Variants in CEP112 observed in about 807,000 individuals in gnomAD.
The protein encoded by CEP112 is centrosomal protein 112.
A neutral mutation model predicts 153.0 loss-of-function variants in CEP112; 127 were observed. The observed-to-expected ratio is 0.83, with a 90% CI of 0.72 to 0.96. The LOEUF (loss-of-function observed/expected upper bound fraction) is 0.96. Among genes scored for constraint, CEP112 ranks in the 40% least tolerant of loss-of-function variants. The probability of loss-of-function intolerance (pLI) is 0.00; values close to 1 mark genes in which losing one functional copy is unlikely to be tolerated. For synonymous variants in CEP112, 358 were observed against 374.4 expected, an observed-to-expected ratio of 0.96 and a Z score of 0.51; for missense variants, 1,089 against 1,101.2, an observed-to-expected ratio of 0.99 and a Z score of 0.16.
intron 16 of CEP112, among the ~76,000 whole-genome samples, chr17:66,022,837 A>G (rs953268989): frequency 4.6e-5 from 7 of 152,024 alleles, no homozygotes; most frequent in African/African-American, 1.7e-4. Flanking sequence ...CAGGATATAA[A>G]TTTTAAAAAC....
chr17:65,687,277 C>T (rs1268399095), intron 24 of CEP112, among the ~76,000 whole-genome samples: 2 of 149,726 alleles, frequency 1.3e-5, no homozygotes, highest in African/African-American at 5.0e-5. Context: ...AGCAATTCTC[C>T]TGCCTCAGCC....
intron 4 of CEP112, among the ~76,000 whole-genome samples, chr17:66,148,480 A>G (rs2071020189): frequency 6.6e-6 from 1 of 152,200 alleles, no homozygotes; most frequent in Non-Finnish European, 1.5e-5. Context: ...TAAGTCTTCC[A>G]ATCCATGAAT....
intron 25 of CEP112, 23 bp from the exon 26 acceptor site, chr17:65,637,211 G>A (rs893933273): frequency 1.9e-6 from 3 of 1,571,726 alleles, no homozygotes; most frequent in African/African-American, 1.3e-5. Flanking sequence ...CCTTGTGTGA[G>A]AAGAGGTGGA....
At chr17:66,149,937 G>A (rs1272479409) in intron 4 of CEP112, among the ~76,000 whole-genome samples, 2 of 113,774 alleles carry the variant, frequency 1.8e-5, no homozygotes, top group African/African-American at 6.7e-5. Context: ...TGTCTCCTAG[G>A]CTGGAGTACA....
chr17:65,912,747 T>C (rs2060335671), intron 19 of CEP112, among the ~76,000 whole-genome samples: 1 of 152,192 alleles, frequency 6.6e-6, no homozygotes. Context: ...AAAATTATAT[T>C]GATCATCAAA....
chr17:66,142,963 C>G (rs2070772711), intron 4 of CEP112, among the ~76,000 whole-genome samples: 1 of 152,114 alleles, frequency 6.6e-6, no homozygotes, highest in African/African-American at 2.4e-5. Flanking sequence ...ATTAATTCTT[C>G]CAATCCATGA....
In CEP112 at chr17:65,751,080, AG is replaced by A. The variant is rs1308398959; in HGVS notation, c.2395-357del. The A allele has an allele frequency of 1.1e-4, 22 of 199,126 alleles. No homozygotes were observed. In the East Asian group the frequency reaches 2.5e-3, roughly 23 times the overall value. The allele number at this position is 199,126 out of a possible 1,614,324, so 12.3% of individuals were successfully genotyped here. On this transcript the variant is annotated intron_variant, in intron 21 of 26. Coordinates refer to ENST00000535342, the MANE Select transcript of CEP112 (RefSeq NM_001199165.4). ...GCAAGGAAAAGGGAGAGGGAAGTGA[AG>A]GAAGAAGAAAGGAAGGTAAATTTAA...
chr17:65,903,529 T>C (rs2143606715), intron 19 of CEP112, among the ~76,000 whole-genome samples: 1 of 152,236 alleles, frequency 6.6e-6, no homozygotes, highest in Non-Finnish European at 1.5e-5. Flanking sequence ...GTTTTCTTAT[T>C]GTGATTAAAG....
At chr17:65,860,090 G>A (rs989363738) in intron 20 of CEP112, among the ~76,000 whole-genome samples, 2 of 150,598 alleles carry the variant, frequency 1.3e-5, no homozygotes, top group Non-Finnish European at 3.0e-5. Context: ...GAAAATGAAT[G>A]TACAAATTAT....
intron 12 of CEP112, among the ~76,000 whole-genome samples, chr17:66,049,728 C>T (rs546019278): frequency 3.7e-4 from 56 of 151,936 alleles, no homozygotes; most frequent in African/African-American, 5.3e-4. Flanking sequence ...TACATCTGGG[C>T]GACAGAGTGA....
intron 19 of CEP112, among the ~76,000 whole-genome samples, chr17:65,926,674 T>C (rs2060937109): frequency 6.6e-6 from 1 of 151,188 alleles, no homozygotes; most frequent in South Asian, 2.1e-4. Flanking sequence ...GATGGCGCCA[T>C]TGCACTCCAG....
chr17:65,920,362 AATATATATATATATATAT>A (rs55934550), intron 19 of CEP112, among the ~76,000 whole-genome samples: 2,537 of 42,804 alleles, frequency 0.059, 211 homozygotes, highest in Middle Eastern at 0.12. Flanking sequence ...AAACAAACAA[AATATATATATATATATAT>A]ATATATATAT....
At chr17:65,915,659 G>A (rs534818976) in intron 19 of CEP112, among the ~76,000 whole-genome samples, 1 of 151,888 alleles carries the variant, frequency 6.6e-6, no homozygotes, top group East Asian at 1.9e-4. Flanking sequence ...GTGGTGGTGG[G>A]TGCCTGTAGT....
intron 17 of CEP112, among the ~76,000 whole-genome samples, chr17:65,988,745 A>T (rs1030942526): frequency 2.6e-5 from 4 of 152,096 alleles, no homozygotes; most frequent in African/African-American, 9.7e-5. Flanking sequence ...AAGAAAAAAG[A>T]ATGAGAAAAA....
chr17:66,109,160 A>G (rs2068909772), intron 6 of CEP112, among the ~76,000 whole-genome samples: 1 of 152,192 alleles, frequency 6.6e-6, no homozygotes. Context: ...GTTAATGGGT[A>G]CAAAAATATC....
chr17:65,991,487 T>C (rs2063593131), intron 17 of CEP112, among the ~76,000 whole-genome samples: 1 of 133,580 alleles, frequency 7.5e-6, no homozygotes, highest in East Asian at 3.6e-4. Flanking sequence ...ATGCATCAGT[T>C]AAAAACAGCA....
intron 18 of CEP112, among the ~76,000 whole-genome samples, chr17:65,953,295 G>A (rs2061896903): frequency 6.6e-6 from 1 of 152,144 alleles, no homozygotes; most frequent in Admixed American, 6.5e-5. Context: ...AGTGTCAAAT[G>A]GTAGAAAGTT....
intron 16 of CEP112, among the ~76,000 whole-genome samples, chr17:66,023,104 T>C (rs1187387150): frequency 1.3e-5 from 2 of 152,082 alleles, no homozygotes; most frequent in African/African-American, 4.8e-5. Context: ...TTGCCATTCC[T>C]GAAAGAGAAG....
intron 24 of CEP112, among the ~76,000 whole-genome samples, chr17:65,650,818 G>GA (rs1486813585): frequency 6.6e-6 from 1 of 151,606 alleles, no homozygotes; most frequent in Non-Finnish European, 1.5e-5. Flanking sequence ...TGACGCAGGA[G>GA]AATCGCTTGA....
Sources: allele counts gnomAD v4.1 joint callset (sites outside exome capture counted in the v4.1 genomes callset), GRCh38; gene constraint gnomAD v4.1.1; transcripts MANE v1.5; gene names NCBI Gene and HGNC (gene_info 2026-07-23, HGNC 2026-07-21).